Variants in CIMIP6 observed in about 807,000 individuals in gnomAD.
CIMIP6 encodes uncharacterized protein C2orf73.
chr2:54,331,126 TC>T, the CIMIP6 span: 2 of 877,936 alleles, frequency 2.3e-6, no homozygotes, highest in Non-Finnish European at 3.6e-6. Context: ...TTCTCTAATT[TC>T]CAGTTGGCTG....
the CIMIP6 span, chr2:54,335,047 A>G: frequency 4.4e-4 from 672 of 1,533,812 alleles, 3 homozygotes; most frequent in African/African-American, 8.6e-3. Flanking sequence ...TTCATTGTAT[A>G]CAAATAGAGA....
chr2:54,331,027 T>C, the CIMIP6 span: 10 of 1,613,018 alleles, frequency 6.2e-6, no homozygotes, highest in East Asian at 1.6e-4. Flanking sequence ...TGGTGTCTTA[T>C]TTCCCTTTCC....
the CIMIP6 span, among the ~76,000 whole-genome samples, chr2:54,359,591 TAATAAC>T: frequency 6.8e-6 from 1 of 147,184 alleles, no homozygotes; most frequent in Non-Finnish European, 1.5e-5. Context: ...GTCTCATTTC[TAATAAC>T]AATAATAATA....
At chr2:54,374,240 A>T in the CIMIP6 span, among the ~76,000 whole-genome samples, 1 of 152,202 alleles carries the variant, frequency 6.6e-6, no homozygotes, top group African/African-American at 2.4e-5. Context: ...TAATTCTTAC[A>T]GATGGAATCC....
chr2:54,348,898 C>G, the CIMIP6 span, among the ~76,000 whole-genome samples: 1 of 152,280 alleles, frequency 6.6e-6, no homozygotes, highest in South Asian at 2.1e-4. Context: ...TGTCTTCTAC[C>G]ACACACAATT....
At chr2:54,360,699 A>C in the CIMIP6 span, 20 of 956,252 alleles carry the variant, frequency 2.1e-5, no homozygotes, top group South Asian at 4.4e-4. Flanking sequence ...AAGAGAAAAA[A>C]GACAATTAAA....
At chr2:54,373,290 T>C in the CIMIP6 span, among the ~76,000 whole-genome samples, 1 of 151,866 alleles carries the variant, frequency 6.6e-6, no homozygotes. Flanking sequence ...CGCGCATGCT[T>C]GTGTTTCTTT....
At chr2:54,347,200 A>C in the CIMIP6 span, among the ~76,000 whole-genome samples, 87 of 152,376 alleles carry the variant, frequency 5.7e-4, 1 homozygote, top group Admixed American at 4.9e-3. Context: ...AACTTTAAAA[A>C]ATGCTACTTA....
At chr2:54,343,056 G>A in the CIMIP6 span, among the ~76,000 whole-genome samples, 2 of 152,176 alleles carry the variant, frequency 1.3e-5, no homozygotes, top group East Asian at 3.8e-4. Flanking sequence ...AGTAACATTA[G>A]AGAGATTTCC....
At chr2:54,374,149 T>C in the CIMIP6 span, among the ~76,000 whole-genome samples, 14 of 152,364 alleles carry the variant, frequency 9.2e-5, no homozygotes, top group Admixed American at 9.1e-4. Context: ...ATGCCTGCCA[T>C]GTTCCTTTCT....
the CIMIP6 span, among the ~76,000 whole-genome samples, chr2:54,364,389 T>C: frequency 6.6e-6 from 1 of 152,206 alleles, no homozygotes; most frequent in Non-Finnish European, 1.5e-5. Context: ...TCAAAAATAC[T>C]TTAATGAAGG....
the CIMIP6 span, among the ~76,000 whole-genome samples, chr2:54,358,688 C>A: frequency 6.6e-6 from 1 of 152,166 alleles, no homozygotes; most frequent in Non-Finnish European, 1.5e-5. Flanking sequence ...GAATGAGCCA[C>A]CATGCCTGAC....
the CIMIP6 span, among the ~76,000 whole-genome samples, chr2:54,332,711 G>T: frequency 1.3e-5 from 2 of 152,088 alleles, no homozygotes; most frequent in Admixed American, 6.6e-5. Flanking sequence ...ATAACAAATA[G>T]CCCCAGTCCT....
chr2:54,368,440 T>G, the CIMIP6 span, among the ~76,000 whole-genome samples: 1 of 152,238 alleles, frequency 6.6e-6, no homozygotes, highest in African/African-American at 2.4e-5. Context: ...TGGGTTTCAA[T>G]ATGAGATTTC....
chr2:54,330,942 G>A, the CIMIP6 span: 1 of 1,611,302 alleles, frequency 6.2e-7, no homozygotes, highest in Non-Finnish European at 8.5e-7. Flanking sequence ...GTTCTTCCCA[G>A]GAGGCTCCTC....
At chr2:54,361,773 A>G in the CIMIP6 span, among the ~76,000 whole-genome samples, 56 of 152,350 alleles carry the variant, frequency 3.7e-4, no homozygotes, top group African/African-American at 1.1e-3. Flanking sequence ...AAGTTTTGGT[A>G]TGAAGACAGG....
chr2:54,342,169 C>A, the CIMIP6 span, among the ~76,000 whole-genome samples: 1 of 152,150 alleles, frequency 6.6e-6, no homozygotes, highest in Non-Finnish European at 1.5e-5. Context: ...TATAAAGTGA[C>A]AAAGTGAAGT....
chr2:54,349,375 T>A, the CIMIP6 span, among the ~76,000 whole-genome samples: 1 of 152,180 alleles, frequency 6.6e-6, no homozygotes. Flanking sequence ...AAAAGAACAT[T>A]TCTCAAAGTA....
At chr2:54,382,036 A>C in the CIMIP6 span, 1 of 1,464,172 alleles carries the variant, frequency 6.8e-7, no homozygotes, top group Non-Finnish European at 9.0e-7. Flanking sequence ...GGCCCAGAGA[A>C]GTTAGGTAGC....
Sources: gnomAD v4.1 joint callset for allele counts (sites outside exome capture counted in the v4.1 genomes callset) on GRCh38, gnomAD v4.1.1 for gene constraint, MANE v1.5 for transcripts, NCBI Gene and HGNC (gene_info 2026-07-23, HGNC 2026-07-21) for gene names.